Variants in GALNT15 observed in about 807,000 individuals in gnomAD.
GALNT15 encodes UDP-GalNAc transferase T15.
Under a neutral mutation model 66.8 loss-of-function variants are expected in GALNT15, and 67 were observed. The observed-to-expected ratio is 1.00, with a 90% confidence interval of 0.82 to 1.23. GALNT15 has a LOEUF of 1.23. Ranked by LOEUF, GALNT15 falls within the 50% of genes most tolerant of loss-of-function variation. GALNT15 has a pLI of 0.00. For missense variants in GALNT15, 827 were observed against 804.3 expected (o/e 1.03, Z -0.34); for synonymous variants, 313 against 311.5 (o/e 1.00, Z -0.05).
chr3:16,246,329 T>G, the GALNT15 span, among the ~76,000 whole-genome samples: 1 of 144,328 alleles, frequency 6.9e-6, no homozygotes, highest in Admixed American at 6.8e-5. Flanking sequence ...TGGTTTTTTT[T>G]TTTTTTTTTT....
intron 1 of GALNT15, among the ~76,000 whole-genome samples, chr3:16,177,879 T>C (rs2063427393): frequency 6.6e-6 from 1 of 152,192 alleles, no homozygotes; most frequent in Admixed American, 6.6e-5. Flanking sequence ...ATGCATGTGG[T>C]ATAAAGTGCA....
rs1217152467 is a variant in GALNT15, at chr3:16,176,813, C to G, written c.539+1123C>G. Among the ~76,000 whole-genome samples, 4 of 152,326 alleles carry G rather than the reference C, an allele frequency of 2.6e-5. No individual in the cohort carries two copies. The highest frequency in any genetic ancestry group is 6.5e-5 in the Admixed American group (1 of 15,300). On this transcript the variant is annotated intron_variant, in intron 1 of 9. Transcript: ENST00000339732. The surrounding 1 kb of genome is among the most constrained non-coding windows in gnomAD (Gnocchi z 5.6). Reference sequence around the variant, plus strand: ...AGCAGGGCCACACACTCTTCGGATCCCTGATCTAGTTCCCCTCAGCCTGGC... The same window carrying G: ...AGCAGGGCCACACACTCTTCGGATCGCTGATCTAGTTCCCCTCAGCCTGGC...
At chr3:16,223,419 A>T (rs1367176444) in intron 9 of GALNT15, among the ~76,000 whole-genome samples, 1 of 152,198 alleles carries the variant, frequency 6.6e-6, no homozygotes, top group Non-Finnish European at 1.5e-5. Flanking sequence ...TCTACTTCAA[A>T]TTCTTCCTGA....
chr3:16,213,782 A>G (rs912438296), intron 6 of GALNT15, among the ~76,000 whole-genome samples: 13 of 152,164 alleles, frequency 8.5e-5, no homozygotes, highest in African/African-American at 3.1e-4. Flanking sequence ...GCTTAAATGG[A>G]AGGACATGCC....
In GALNT15 at chr3:16,184,744, C is replaced by A. The variant is rs572949327; in HGVS notation, c.539+9054C>A. On this transcript the variant is annotated intron_variant, in intron 1 of 9. Transcript: ENST00000339732. The surrounding 1 kb of genome is among the most constrained non-coding windows in gnomAD (Gnocchi z 5.0). Reference sequence around the variant, plus strand: ...GGCTCAGGAAAGCGGAGCAGAGATGCCTGAGAGAGGCATGTGTTCAAGGCA... The same window carrying A: ...GGCTCAGGAAAGCGGAGCAGAGATGACTGAGAGAGGCATGTGTTCAAGGCA... Among the ~76,000 whole-genome samples, 2 of 152,184 alleles carry A rather than the reference C, an allele frequency of 1.3e-5. No individual in the cohort carries two copies. The highest frequency in any genetic ancestry group is 2.9e-5 in the Non-Finnish European group (2 of 68,040).
Position 16,222,663 on chromosome 3 carries a change from C to T in GALNT15, c.1678C>T (p.His560Tyr), listed in dbSNP as rs1441768635. ...RKEIHFGSPQ[H>Y]LCFAVRQEQV... Reference sequence around the variant, plus strand: ...GGAGATTCACTTTGGCAGCCCACAGCACCTGTGCTTTGCTGTCAGGCAGGA... The same window carrying T: ...GGAGATTCACTTTGGCAGCCCACAGTACCTGTGCTTTGCTGTCAGGCAGGA... The change falls in exon 9 of 10, where the codon CAC becomes TAC. Residue 560 changes from histidine to tyrosine, a missense_variant. Transcript: ENST00000339732. The T allele has an allele frequency of 1.9e-6, 3 of 1,614,146 alleles. No homozygotes were observed. The highest frequency in any genetic ancestry group is 2.5e-6 in the Non-Finnish European group (3 of 1,180,054).
chr3:16,217,820 A>C (rs2063895616), intron 6 of GALNT15, among the ~76,000 whole-genome samples: 1 of 152,240 alleles, frequency 6.6e-6, no homozygotes, highest in Non-Finnish European at 1.5e-5. Context: ...AGCAAAGTCC[A>C]ACTCTGGGAA....
At chr3:16,232,164 T>C (rs2124914332), downstream of GALNT15, among the ~76,000 whole-genome samples, 1 of 152,154 alleles carries the variant, frequency 6.6e-6, no homozygotes, top group South Asian at 2.1e-4. Flanking sequence ...CACCATAAGA[T>C]GGCCCCTCCT....
Position 16,194,249 on chromosome 3 carries a change from C to T in GALNT15, c.540-1511C>T, listed in dbSNP as rs182069172. On this transcript the variant is annotated intron_variant, in intron 1 of 9. Transcript: ENST00000339732. ...GCAGTGATATATTAAAGGCCTTGCA[C>T]GGTGTCTGGCATGTTGTTGGCACTC... Among the ~76,000 whole-genome samples, 21 of 152,296 alleles carry T rather than the reference C, an allele frequency of 1.4e-4. No individual in the cohort carries two copies. In the East Asian group the frequency reaches 2.5e-3, roughly 18 times the overall value.
Position 16,191,154 on chromosome 3 carries a change from A to T in GALNT15, c.540-4606A>T, listed in dbSNP as rs994450426. Reference sequence around the variant, plus strand: ...CTCTCACTATGAGGAGAGAAGTTACATCTGTTCATAAAACCCCAAAATTCC... The same window carrying T: ...CTCTCACTATGAGGAGAGAAGTTACTTCTGTTCATAAAACCCCAAAATTCC... On this transcript the variant is annotated intron_variant, in intron 1 of 9. Transcript: ENST00000339732. This position sits in a 1 kb window ranked among gnomAD's most constrained non-coding sequence, Gnocchi z 5.2. 1.3e-5 allele frequency among the ~76,000 whole-genome samples: 2 copies of T among 152,206 alleles called. No homozygotes were observed. The highest frequency in any genetic ancestry group is 2.4e-5 in the African/African-American group (1 of 41,440).
At chr3:16,215,620 G>A (rs1313283393) in intron 6 of GALNT15, among the ~76,000 whole-genome samples, 1 of 151,984 alleles carries the variant, frequency 6.6e-6, no homozygotes, top group South Asian at 2.1e-4. Flanking sequence ...TTGGTATATC[G>A]AAGGTGCTCG....
chr3:16,198,068 C>T (rs1382606218), intron 2 of GALNT15, among the ~76,000 whole-genome samples: 1 of 142,678 alleles, frequency 7.0e-6, no homozygotes, highest in Non-Finnish European at 1.6e-5. Flanking sequence ...TATTTGGCTG[C>T]ACAGAACAGA....
downstream of GALNT15, among the ~76,000 whole-genome samples, chr3:16,232,472 AT>A (rs61667308): frequency 0.24 from 8,090 of 34,022 alleles, 545 homozygotes; most frequent in East Asian, 0.36. Context: ...ATAAATAAAT[AT>A]ATATATATAT....
At position 16,229,412 on chromosome 3, in the gene GALNT15, C is replaced by T. The variant is rs2064059368; in HGVS notation, c.*1912C>T. Reference sequence around the variant, plus strand: ...ACTACCCACCTGTGGCTAGGGTCTACTTCTACTGTATTGGCGAGCATGGAT... The same window carrying T: ...ACTACCCACCTGTGGCTAGGGTCTATTTCTACTGTATTGGCGAGCATGGAT... On this transcript the variant is annotated 3_prime_UTR_variant, in exon 10 of 10. Coordinates refer to ENST00000339732, the MANE Select transcript of GALNT15 (RefSeq NM_054110.5). 1.1e-6 allele frequency: 1 copy of T among 884,450 alleles called. No homozygotes were observed. The highest frequency in any genetic ancestry group is 1.8e-5 in the African/African-American group (1 of 55,146). 54.8% of individuals were successfully genotyped at this position (884,450 alleles called of 1,614,324 possible). A position where few individuals can be genotyped will look rare whatever the true frequency, so the allele number is the denominator to read the frequency against.
At position 16,222,696 on chromosome 3, in the gene GALNT15, A is replaced by T. The variant is rs1008913824; in HGVS notation, c.1711A>T (p.Ile571Phe). ...CTTTGCTGTCAGGCAGGAGCAGGTG[A>T]TTCTTCAGAACTGCACGGAGGAAGG... ...LCFAVRQEQVILQNCTEEGLA... is the reference protein window; with the variant it reads ...LCFAVRQEQVFLQNCTEEGLA... The change falls in exon 9 of 10, where the codon ATT becomes TTT. Residue 571 changes from isoleucine to phenylalanine, a missense_variant. By Grantham distance (21) the Ile-to-Phe change is conservative. Transcript: ENST00000339732. 6.2e-7 allele frequency: 1 copy of T among 1,614,134 alleles called. No homozygotes were observed. The highest frequency in any genetic ancestry group is 1.3e-5 in the African/African-American group (1 of 74,946).
At chr3:16,192,636 G>A (rs1028667618) in intron 1 of GALNT15, among the ~76,000 whole-genome samples, 1 of 152,182 alleles carries the variant, frequency 6.6e-6, no homozygotes, top group Non-Finnish European at 1.5e-5. Context: ...CAAGTCTGAG[G>A]GCAGAGCAGA....
At chr3:16,197,190 C>A (rs1439409657) in intron 2 of GALNT15, among the ~76,000 whole-genome samples, 2 of 152,188 alleles carry the variant, frequency 1.3e-5, no homozygotes, top group African/African-American at 2.4e-5. Context: ...TACGTCTGTG[C>A]CCCTCGGGAG....
At position 16,184,828 on chromosome 3, in the gene GALNT15, TCTCAGCGCTTCCTACC is replaced by T. The variant is rs1485841648; in HGVS notation, c.539+9142_539+9157del. Among the ~76,000 whole-genome samples the T allele has an allele frequency of 6.6e-6, 1 of 152,114 alleles. No homozygotes were observed. The highest frequency in any genetic ancestry group is 1.5e-5 in the Non-Finnish European group (1 of 68,018). ...GGAGACAGTGTAGAACATGCATGCATCTCAGCGCTTCCTACCCTCTGCCCTTAGGGGTGAGGGTGCT... is the reference window on the plus strand; with the variant it reads ...GGAGACAGTGTAGAACATGCATGCATCTCTGCCCTTAGGGGTGAGGGTGCT... On this transcript the variant is annotated intron_variant, in intron 1 of 9. Transcript: ENST00000339732. This position sits in a 1 kb window ranked among gnomAD's most constrained non-coding sequence, Gnocchi z 5.0.
the GALNT15 span, among the ~76,000 whole-genome samples, chr3:16,245,625 A>G: frequency 6.6e-6 from 1 of 152,236 alleles, no homozygotes; most frequent in Non-Finnish European, 1.5e-5. Flanking sequence ...TTGGTCCTGT[A>G]GAAGCAGGGG....
Sources: allele counts gnomAD v4.1 joint callset (sites outside exome capture counted in the v4.1 genomes callset), GRCh38; gene constraint gnomAD v4.1.1; non-coding constraint Gnocchi (gnomAD v3.1); transcripts MANE v1.5; gene names NCBI Gene and HGNC (gene_info 2026-07-23, HGNC 2026-07-21).